DCLK2: variants seen among roughly 807,000 people sequenced by gnomAD.
DCLK2 encodes doublecortin like kinase 2.
DCLK2 carries 31 observed loss-of-function variants against 78.4 expected under a neutral mutation model. The ratio of observed to expected loss-of-function variants is 0.40; its 90% confidence interval spans 0.30 to 0.53. The LOEUF is 0.53. Ranked by LOEUF, DCLK2 falls within the 20% of genes least tolerant of loss-of-function variation. DCLK2 has a pLI of 0.61. For synonymous variants in DCLK2, 407 were observed against 374.9 expected (o/e 1.09, Z -0.99); for missense variants, 872 against 973.7 (o/e 0.90, Z 1.39).
chr4:150,092,208 A>G (rs1417070281), intron 1 of DCLK2, among the ~76,000 whole-genome samples: 2 of 152,134 alleles, frequency 1.3e-5, no homozygotes, highest in Non-Finnish European at 2.9e-5. Context: ...CAGTTCATCC[A>G]TCACTGGGCA....
At chr4:150,168,334 G>A (rs1203400027) in intron 2 of DCLK2, among the ~76,000 whole-genome samples, 82 of 149,408 alleles carry the variant, frequency 5.5e-4, no homozygotes, top group Non-Finnish European at 1.2e-3. Flanking sequence ...GTGACAGAGC[G>A]AGACTCCATC....
chr4:150,190,052 G>GA (rs1560850360), intron 2 of DCLK2, among the ~76,000 whole-genome samples: 2 of 68,198 alleles, frequency 2.9e-5, no homozygotes, highest in Non-Finnish European at 5.9e-5. Flanking sequence ...AAAAAAAAAA[G>GA]GCCAAGTGTG....
intron 2 of DCLK2, among the ~76,000 whole-genome samples, chr4:150,124,992 C>A (rs1280827955): frequency 6.6e-6 from 1 of 152,194 alleles, no homozygotes; most frequent in Non-Finnish European, 1.5e-5. Flanking sequence ...CCCTGACACA[C>A]AATTCCATTA....
chr4:150,097,097 G>A (rs77269737), intron 1 of DCLK2, among the ~76,000 whole-genome samples: 6,042 of 151,722 alleles, frequency 0.04, 239 homozygotes, highest in Admixed American at 0.087. Flanking sequence ...AAGGACGTGC[G>A]AAAAATGGGC....
Position 150,253,589 on chromosome 4 carries a change from C to T in DCLK2, c.2074-2431C>T. ...CCACGCTGCGTCCGACCAGCGCGCC[C>T]CATCCTCAGCCCCTCTCACGCCTGC... On this transcript the variant is annotated intron_variant, in intron 15 of 15. Coordinates refer to ENST00000296550, the MANE Select transcript of DCLK2 (RefSeq NM_001040260.4). The T allele has an allele frequency of 3.1e-6, 4 of 1,289,080 alleles. 1 individual carries two copies. In the South Asian group the frequency reaches 3.7e-5, roughly 12 times the overall value. 79.9% of individuals were successfully genotyped at this position (1,289,080 alleles called of 1,614,324 possible). A position where few individuals can be genotyped will look rare whatever the true frequency, so the allele number is the denominator to read the frequency against.
chr4:150,082,511 G>A (rs1253493425), intron 1 of DCLK2, among the ~76,000 whole-genome samples: 1 of 152,156 alleles, frequency 6.6e-6, no homozygotes, highest in African/African-American at 2.4e-5. Context: ...TCTAGTGTGA[G>A]CTGGCACTCC....
chr4:150,230,291 C>A (rs1741942816), intron 8 of DCLK2, among the ~76,000 whole-genome samples: 1 of 152,114 alleles, frequency 6.6e-6, no homozygotes, highest in Non-Finnish European at 1.5e-5. Context: ...AAGATAATAA[C>A]TTTTGGGAGT....
At chr4:150,237,066 T>C (rs1431687186) in intron 10 of DCLK2, among the ~76,000 whole-genome samples, 2 of 149,814 alleles carry the variant, frequency 1.3e-5, no homozygotes, top group African/African-American at 4.9e-5. Context: ...ATGAGTATAT[T>C]TTTAAGTTGT....
intron 12 of DCLK2, among the ~76,000 whole-genome samples, chr4:150,243,138 G>A (rs1024320719): frequency 6.6e-6 from 1 of 152,172 alleles, no homozygotes; most frequent in African/African-American, 2.4e-5. Context: ...AAAAAAGTGA[G>A]ACTCAAATTG....
chr4:150,163,877 A>G (rs1454979794), intron 2 of DCLK2, among the ~76,000 whole-genome samples: 2 of 152,186 alleles, frequency 1.3e-5, no homozygotes, highest in Non-Finnish European at 2.9e-5. Flanking sequence ...GAAGTTAGTT[A>G]TTTTATTTAT....
At chr4:150,155,531 C>T (rs1441047184) in intron 2 of DCLK2, among the ~76,000 whole-genome samples, 2 of 152,150 alleles carry the variant, frequency 1.3e-5, no homozygotes, top group Non-Finnish European at 2.9e-5. Context: ...TACTTGTATC[C>T]TGTCTGAAAA....
chr4:150,243,443 A>G (rs970710026), intron 12 of DCLK2, among the ~76,000 whole-genome samples: 4 of 152,222 alleles, frequency 2.6e-5, no homozygotes, highest in African/African-American at 9.6e-5. Flanking sequence ...AACCTACTAT[A>G]ATACAGAAAT....
chr4:150,201,100 G>A (rs1305486555), intron 4 of DCLK2, among the ~76,000 whole-genome samples: 1 of 152,190 alleles, frequency 6.6e-6, no homozygotes, highest in Non-Finnish European at 1.5e-5. Flanking sequence ...TTACAGACAT[G>A]AGCCACCATG....
intron 2 of DCLK2, among the ~76,000 whole-genome samples, chr4:150,147,202 GCAGGAGGATCACTTGAGCC>G (rs1376213807): frequency 6.6e-6 from 1 of 152,172 alleles, no homozygotes; most frequent in Non-Finnish European, 1.5e-5. Flanking sequence ...GGAGGCTGAG[GCAGGAGGATCACTTGAGCC>G]CAGGAGTTCA....
rs1056694510 is a variant in DCLK2, at chr4:150,256,509, A to G, written c.*262A>G. The stretch of plus-strand genomic sequence containing the variant: ...TGTTCGGAGAGACTCGTTCCAGATC[A>G]TCCCGTCATTTTCAGTTTGTTGGAC... On this transcript the variant is annotated 3_prime_UTR_variant, in exon 16 of 16. Coordinates refer to ENST00000296550, the MANE Select transcript of DCLK2 (RefSeq NM_001040260.4). The G allele has an allele frequency of 4.5e-6, 2 of 439,948 alleles. No homozygotes were observed. The highest frequency in any genetic ancestry group is 4.0e-5 in the Admixed American group (1 of 25,018). The allele number at this position is 439,948 out of a possible 1,614,324, so 27.3% of individuals were successfully genotyped here.
chr4:150,090,745 C>T (rs1056104135), intron 1 of DCLK2, among the ~76,000 whole-genome samples: 2 of 152,042 alleles, frequency 1.3e-5, no homozygotes, highest in Non-Finnish European at 2.9e-5. Context: ...TTCGTAGGGT[C>T]AAAGCAGATT....
chr4:150,177,256 A>T (rs1429061806), intron 2 of DCLK2, among the ~76,000 whole-genome samples: 2 of 152,246 alleles, frequency 1.3e-5, no homozygotes, highest in Non-Finnish European at 2.9e-5. Flanking sequence ...AAGCTTAGAT[A>T]TAGCTCCAAC....
Position 150,162,274 on chromosome 4 carries a change from C to T in DCLK2, c.757-30864C>T, listed in dbSNP as rs542967069. On this transcript the variant is annotated intron_variant, in intron 2 of 15. Transcript: ENST00000296550. ...CTTGAACTCCTGGCCTCAAGCAGTC[C>T]TCCAACCTCGGCCTCTCAAAGTGCT... is the stretch of plus-strand genomic sequence containing the variant. Among the ~76,000 whole-genome samples, 120 of 152,238 alleles carry T rather than the reference C, an allele frequency of 7.9e-4. 1 individual carries two copies. Among genetic ancestry groups the T allele is most frequent in the African/African-American group, 2.9e-3 (120 of 41,542 alleles).
At chr4:150,091,803 G>A (rs945698101) in intron 1 of DCLK2, among the ~76,000 whole-genome samples, 8 of 139,598 alleles carry the variant, frequency 5.7e-5, no homozygotes, top group Admixed American at 5.7e-4. Flanking sequence ...GTGTGTGTGT[G>A]TGTGTATTTG....
Sources: gnomAD v4.1 joint callset for allele counts (sites outside exome capture counted in the v4.1 genomes callset) on GRCh38, gnomAD v4.1.1 for gene constraint, MANE v1.5 for transcripts, NCBI Gene and HGNC (gene_info 2026-07-23, HGNC 2026-07-21) for gene names.